The following JAKMIP2 variants were observed in gnomAD, a reference collection of about 807,000 sequenced individuals.
JAKMIP2 encodes janus kinase and microtubule interacting protein 2.
JAKMIP2 carries 25 observed loss-of-function variants against 115.0 expected under a neutral mutation model. The observed-to-expected ratio is 0.22, with a 90% CI of 0.16 to 0.30. The LOEUF is 0.30. Among genes scored for constraint, JAKMIP2 ranks in the 10% least tolerant of loss-of-function variants. The pLI is 1.00. For missense variants in JAKMIP2, 642 were observed against 957.6 expected (o/e 0.67, Z 4.35); for synonymous variants, 334 against 343.6 (o/e 0.97, Z 0.31).
chr5:147,765,054 AGAAG>A (rs1174917666), intron 1 of JAKMIP2, among the ~76,000 whole-genome samples: 17 of 148,394 alleles, frequency 1.1e-4, no homozygotes, highest in Non-Finnish European at 1.6e-4. Context: ...GAGAGAAGAG[AGAAG>A]GAAGGAAGGA....
intron 21 of JAKMIP2, among the ~76,000 whole-genome samples, chr5:147,595,697 C>A (rs554034897): frequency 1.3e-5 from 2 of 152,220 alleles, no homozygotes; most frequent in South Asian, 2.1e-4. Flanking sequence ...ACCTTTTGAA[C>A]TGTAAAGCAA....
At chr5:147,646,087 CT>C (rs1026779439) in intron 5 of JAKMIP2, among the ~76,000 whole-genome samples, 3 of 152,088 alleles carry the variant, frequency 2.0e-5, no homozygotes, top group African/African-American at 7.2e-5. Context: ...TTTGAGAAGA[CT>C]TTTTAAAGTG....
At chr5:147,593,647 G>A (rs749080468) in intron 21 of JAKMIP2, among the ~76,000 whole-genome samples, 7 of 152,154 alleles carry the variant, frequency 4.6e-5, no homozygotes, top group African/African-American at 1.4e-4. Context: ...GACTTTTGAG[G>A]ATTGAAAGTG....
At chr5:147,634,144 C>T (rs1052436920) in intron 12 of JAKMIP2, among the ~76,000 whole-genome samples, 2 of 152,134 alleles carry the variant, frequency 1.3e-5, no homozygotes, top group African/African-American at 2.4e-5. Context: ...TACCATAGCA[C>T]GAATCTTACT....
intron 1 of JAKMIP2, among the ~76,000 whole-genome samples, chr5:147,711,014 T>C (rs1324793508): frequency 6.6e-6 from 1 of 152,202 alleles, no homozygotes; most frequent in Non-Finnish European, 1.5e-5. Flanking sequence ...AAACATTATT[T>C]ACTATTGTTG....
intron 1 of JAKMIP2, among the ~76,000 whole-genome samples, chr5:147,736,979 G>A (rs1753949336): frequency 6.6e-6 from 1 of 152,158 alleles, no homozygotes; most frequent in Non-Finnish European, 1.5e-5. Flanking sequence ...GCTTCTTACT[G>A]TAGGGCTGAC....
At chr5:147,673,392 T>C (rs1187786082) in intron 1 of JAKMIP2, among the ~76,000 whole-genome samples, 1 of 152,178 alleles carries the variant, frequency 6.6e-6, no homozygotes, top group South Asian at 2.1e-4. Context: ...ACCACCCATA[T>C]GTTCCGGCAG....
chr5:147,661,726 T>C, intron 2 of JAKMIP2: 1 of 360,010 alleles, frequency 2.8e-6, no homozygotes, highest in Non-Finnish European at 5.0e-6. Flanking sequence ...GCAGCCTCGG[T>C]ATCACCCAGG....
chr5:147,752,309 CA>C (rs1447749080), intron 1 of JAKMIP2, among the ~76,000 whole-genome samples: 1 of 152,148 alleles, frequency 6.6e-6, no homozygotes, highest in Non-Finnish European at 1.5e-5. Flanking sequence ...CCATGCAGAC[CA>C]AACTGAGTAC....
At chr5:147,770,564 A>G (rs970830883) in intron 1 of JAKMIP2, among the ~76,000 whole-genome samples, 2 of 152,146 alleles carry the variant, frequency 1.3e-5, no homozygotes, top group Non-Finnish European at 2.9e-5. Context: ...GTGAATTTAC[A>G]CCACGTAAAT....
intron 1 of JAKMIP2, among the ~76,000 whole-genome samples, chr5:147,767,461 C>T (rs1014283772): frequency 6.6e-6 from 1 of 151,944 alleles, no homozygotes; most frequent in Non-Finnish European, 1.5e-5. Flanking sequence ...TGACTACACA[C>T]CAAGAGAGAA....
chr5:147,597,209 A>C (rs73266279), intron 21 of JAKMIP2, among the ~76,000 whole-genome samples: 2,104 of 152,206 alleles, frequency 0.014, 55 homozygotes, highest in African/African-American at 0.049. Flanking sequence ...TAAATGACGA[A>C]TATAATAGAG....
chr5:147,691,026 G>C (rs142991850), intron 1 of JAKMIP2, among the ~76,000 whole-genome samples: 2 of 152,008 alleles, frequency 1.3e-5, no homozygotes, highest in Admixed American at 1.3e-4. Context: ...CACTCATTCA[G>C]CCTTCTCAAG....
At chr5:147,772,035 T>C (rs994199814) in intron 1 of JAKMIP2, among the ~76,000 whole-genome samples, 9 of 152,248 alleles carry the variant, frequency 5.9e-5, no homozygotes, top group African/African-American at 2.2e-4. Context: ...AAAGATCTGA[T>C]GAGGATAATT....
At chr5:147,745,222 G>T (rs1181581266) in intron 1 of JAKMIP2, among the ~76,000 whole-genome samples, 4 of 152,162 alleles carry the variant, frequency 2.6e-5, no homozygotes, top group African/African-American at 2.4e-5. Flanking sequence ...CTTTACCAAT[G>T]ATCTGAGAAC....
intron 1 of JAKMIP2, among the ~76,000 whole-genome samples, chr5:147,782,141 T>A (rs77045691): frequency 6.6e-6 from 1 of 152,200 alleles, no homozygotes; most frequent in Non-Finnish European, 1.5e-5. Flanking sequence ...CCTCTTCTTG[T>A]TGTTAGCTCT....
intron 1 of JAKMIP2, among the ~76,000 whole-genome samples, chr5:147,731,196 G>A (rs542202215): frequency 1.6e-4 from 25 of 152,226 alleles, no homozygotes; most frequent in African/African-American, 4.3e-4. Context: ...ATGAGACCAC[G>A]ACGATCTGGT....
At chr5:147,704,344 C>T (rs929848968) in intron 1 of JAKMIP2, among the ~76,000 whole-genome samples, 3 of 152,122 alleles carry the variant, frequency 2.0e-5, no homozygotes, top group Non-Finnish European at 4.4e-5. Flanking sequence ...TACAACATTA[C>T]GACTGCTACA....
At chr5:147,623,948 C>T (rs1249973136) in intron 16 of JAKMIP2, among the ~76,000 whole-genome samples, 4 of 152,166 alleles carry the variant, frequency 2.6e-5, no homozygotes, top group African/African-American at 9.7e-5. Context: ...CAATTCTCTG[C>T]CTCAGCCTCC....
Sources: gnomAD v4.1 joint callset for allele counts (sites outside exome capture counted in the v4.1 genomes callset) on GRCh38, gnomAD v4.1.1 for gene constraint, MANE v1.5 for transcripts, NCBI Gene and HGNC (gene_info 2026-07-23, HGNC 2026-07-21) for gene names.